C6: variants seen among roughly 807,000 people sequenced by gnomAD.
C6 encodes complement C6.
In C6, 101 loss-of-function variants were observed where a neutral mutation model predicts 112.9. That is an observed-to-expected ratio of 0.89 (90% CI 0.76 to 1.06). The LOEUF (loss-of-function observed/expected upper bound fraction) is 1.06, where lower values mean the gene tolerates loss of function less well. C6 is among the 50% of genes least tolerant of loss of function. The pLI is 0.00. For missense variants in C6, 1,202 were observed against 1,104.6 expected (o/e 1.09, Z -1.25); for synonymous variants, 431 against 384.1 (o/e 1.12, Z -1.43).
chr5:41,177,561 A>G (rs989630466), intron 7 of C6, among the ~76,000 whole-genome samples: 6 of 152,194 alleles, frequency 3.9e-5, no homozygotes, highest in Admixed American at 3.9e-4. Context: ...ATAGTAACAG[A>G]GTAAGGACCA....
At position 41,160,354 on chromosome 5, in the gene C6, A is replaced by G; in HGVS notation, c.1472T>C (p.Val491Ala). The G allele has an allele frequency of 6.2e-7, 1 of 1,613,682 alleles. No homozygotes were observed. The highest frequency in any genetic ancestry group is 8.5e-7 in the Non-Finnish European group (1 of 1,179,690). ...AVIDFELAPIVDLVRNIPCAV... is the reference protein window; with the variant it reads ...AVIDFELAPIADLVRNIPCAV... ...ACAGGGGATGTTTCTTACCAAGTCC[A>G]CGATGGGGGCAAGCTAGGAGAAAAT... is the stretch of plus-strand genomic sequence containing the variant. The change falls in exon 11 of 18, where the codon GTG becomes GCG. Residue 491 changes from valine to alanine, a missense_variant. Transcript: ENST00000337836.
chr5:41,181,357 A>G lies in C6; in HGVS notation c.927+2T>C. On this transcript the variant is annotated splice_donor_variant, in intron 7 of 17. Transcript: ENST00000337836. LOFTEE classifies it high-confidence loss of function. ...TAAAAGGTTGGAAACCATTTTTGATACCTTTTTGTGAGAGGCTTGAATGGC... is the reference window on the plus strand; with the variant it reads ...TAAAAGGTTGGAAACCATTTTTGATGCCTTTTTGTGAGAGGCTTGAATGGC... 1.2e-6 allele frequency: 2 copies of G among 1,613,246 alleles called. No homozygotes were observed. Among genetic ancestry groups the G allele is most frequent in the Non-Finnish European group, 1.7e-6 (2 of 1,179,398 alleles).
At chr5:41,155,558 T>C (rs986703618) in intron 13 of C6, among the ~76,000 whole-genome samples, 18 of 152,062 alleles carry the variant, frequency 1.2e-4, no homozygotes, top group Admixed American at 9.2e-4. Context: ...CAGTATTTTC[T>C]GTCTCCACAA....
At position 41,149,228 on chromosome 5, in the gene C6, C is replaced by T; in HGVS notation, c.2623+13G>A. 2 of 1,613,810 alleles carry T rather than the reference C, an allele frequency of 1.2e-6. No homozygotes were observed. The highest frequency in any genetic ancestry group is 2.2e-5 in the South Asian group (2 of 91,046). The stretch of plus-strand genomic sequence containing the variant: ...AAGTGAGAGCATTTAGTATGGTCAC[C>T]ATTGGAACTTACCTGAACATTTTTC... On this transcript the variant is annotated intron_variant, in intron 17 of 17. Coordinates refer to ENST00000337836, the MANE Select transcript of C6 (RefSeq NM_000065.5).
intron 1 of C6, among the ~76,000 whole-genome samples, chr5:41,248,402 G>T (rs188795630): frequency 4.9e-4 from 74 of 152,320 alleles, no homozygotes; most frequent in Middle Eastern, 6.8e-3. Context: ...CAGAATGGGA[G>T]TAAATATTTG....
rs780773351 is a variant in C6 at position 41,203,070 on chromosome 5, C to T, written c.143+18G>A. 1.1e-5 allele frequency: 17 copies of T among 1,613,522 alleles called. No homozygotes were observed. The highest frequency in any genetic ancestry group is 1.4e-5 in the Non-Finnish European group (16 of 1,179,824). On this transcript the variant is annotated intron_variant, in intron 2 of 17. Transcript: ENST00000337836. ...GTCCTTCCAGGACACAAAGAAAAGCCACAAAGCTCACACCCACCTGTGTCT... is the reference window on the plus strand; with the variant it reads ...GTCCTTCCAGGACACAAAGAAAAGCTACAAAGCTCACACCCACCTGTGTCT...
At chr5:41,230,515 T>C (rs1463739876) in intron 1 of C6, among the ~76,000 whole-genome samples, 1 of 152,140 alleles carries the variant, frequency 6.6e-6, no homozygotes, top group Non-Finnish European at 1.5e-5. Flanking sequence ...AATTCCAGCC[T>C]GGTAAATTCT....
exon 1 of C6, chr5:41,261,203 A>G (rs889698823): frequency 8.1e-6 from 8 of 985,714 alleles, no homozygotes; most frequent in Non-Finnish European, 8.4e-6. Flanking sequence ...CTATGCATCT[A>G]TGACTTGAAG....
At chr5:41,157,041 A>G (rs1027838188) in intron 13 of C6, among the ~76,000 whole-genome samples, 9 of 152,194 alleles carry the variant, frequency 5.9e-5, no homozygotes, top group African/African-American at 2.2e-4. Context: ...GGAATTAGGC[A>G]TATCTGCCTC....
intron 5 of C6, among the ~76,000 whole-genome samples, chr5:41,192,240 C>T (rs1012886368): frequency 3.3e-4 from 50 of 152,126 alleles, no homozygotes; most frequent in Non-Finnish European, 2.1e-4. Context: ...GGATTAAATA[C>T]TACTTAATTA....
intron 9 of C6, among the ~76,000 whole-genome samples, chr5:41,169,301 G>A (rs558778029): frequency 4.6e-5 from 7 of 152,036 alleles, no homozygotes. Flanking sequence ...ATGTGCATGT[G>A]TACATACACA....
intron 1 of C6, among the ~76,000 whole-genome samples, chr5:41,207,535 C>G (rs1486097717): frequency 2.0e-5 from 3 of 152,114 alleles, no homozygotes; most frequent in African/African-American, 7.2e-5. Flanking sequence ...AGAGGAAGAT[C>G]TACCAAGCAA....
At chr5:41,198,333 T>A (rs1319034668) in intron 4 of C6, among the ~76,000 whole-genome samples, 2 of 152,182 alleles carry the variant, frequency 1.3e-5, no homozygotes, top group South Asian at 4.1e-4. Context: ...CATTAGTAGA[T>A]GCTTTTAGGA....
intron 9 of C6, among the ~76,000 whole-genome samples, chr5:41,163,310 C>CTTTTTTTTTTT (rs35341613): frequency 7.4e-6 from 1 of 134,562 alleles, no homozygotes; most frequent in South Asian, 2.4e-4. Flanking sequence ...TATCAATGAA[C>CTTTTTTTTTTT]TTTTTTTTTT....
chr5:41,234,033 C>T (rs546798030), intron 1 of C6, among the ~76,000 whole-genome samples: 2 of 152,082 alleles, frequency 1.3e-5, no homozygotes, highest in South Asian at 4.1e-4. Flanking sequence ...ATATATGATA[C>T]ATAGATGAGT....
chr5:41,252,581 T>C (rs1394096865), intron 1 of C6, among the ~76,000 whole-genome samples: 1 of 152,216 alleles, frequency 6.6e-6, no homozygotes, highest in East Asian at 1.9e-4. Context: ...TGTAATTCTT[T>C]GATGTATTTT....
intron 1 of C6, among the ~76,000 whole-genome samples, chr5:41,227,213 T>C (rs1739569246): frequency 1.3e-5 from 2 of 152,202 alleles, no homozygotes; most frequent in Non-Finnish European, 2.9e-5. Flanking sequence ...ATTAGTGATG[T>C]TGGGCAGTTT....
At chr5:41,225,846 TG>T (rs1166605159) in intron 1 of C6, among the ~76,000 whole-genome samples, 4 of 152,142 alleles carry the variant, frequency 2.6e-5, no homozygotes, top group Non-Finnish European at 4.4e-5. Flanking sequence ...AAACAAGCAA[TG>T]GGGAAAGGAT....
At chr5:41,224,909 CTTG>C (rs1280162355) in intron 1 of C6, among the ~76,000 whole-genome samples, 2 of 152,098 alleles carry the variant, frequency 1.3e-5, no homozygotes, top group African/African-American at 4.8e-5. Context: ...CTTGCCAACA[CTTG>C]TTATTTTCTT....
Sources: allele counts gnomAD v4.1 joint callset (sites outside exome capture counted in the v4.1 genomes callset), GRCh38; gene constraint gnomAD v4.1.1; transcripts MANE v1.5; gene names NCBI Gene and HGNC (gene_info 2026-07-23, HGNC 2026-07-21).